The following ZNF875 variants were observed in gnomAD, a reference collection of about 807,000 sequenced individuals.
ZNF875 encodes the protein zinc finger protein 875, also known as HKR1, GLI-Kruppel zinc finger family member.
In ZNF875, 14 loss-of-function variants were observed where a neutral mutation model predicts 11.2. The ratio of observed to expected loss-of-function variants is 1.26; its 90% CI spans 0.83 to 1.96. The LOEUF is 1.96. ZNF875 is among the 30% of genes most tolerant of loss of function. ZNF875 has a pLI of 0.00. For missense variants in ZNF875, 752 were observed against 760.4 expected, an observed-to-expected ratio of 0.99 and a Z score of 0.13; for synonymous variants, 301 against 281.1, an observed-to-expected ratio of 1.07 and a Z score of -0.71.
intron 2 of ZNF875, among the ~76,000 whole-genome samples, chr19:37,342,409 A>AT (rs66638698): frequency 0.039 from 5,318 of 135,666 alleles, 256 homozygotes; most frequent in African/African-American, 0.099. Context: ...ATCCAACTGA[A>AT]TTTTTTTTTT....
chr19:37,346,304 G>A (rs1168761299), intron 2 of ZNF875: 1 of 152,176 alleles, frequency 6.6e-6, no homozygotes, highest in African/African-American at 2.4e-5. Flanking sequence ...AGAAACTGAC[G>A]TGCTGAGCAG....
intron 4 of ZNF875, among the ~76,000 whole-genome samples, chr19:37,354,063 T>C (rs1196177903): frequency 6.6e-6 from 1 of 152,148 alleles, no homozygotes. Context: ...CTCATAAGCT[T>C]CTGTTCATTT....
upstream of ZNF875, chr19:37,334,598 C>G (rs2033886415): frequency 9.2e-6 from 4 of 434,592 alleles, no homozygotes; most frequent in Admixed American, 1.0e-4. Context: ...CCTCTGCGGT[C>G]ACTTCCGCTC....
intron 4 of ZNF875, among the ~76,000 whole-genome samples, chr19:37,348,147 T>C (rs1428081392): frequency 6.6e-6 from 1 of 152,232 alleles, no homozygotes; most frequent in Non-Finnish European, 1.5e-5. Context: ...CTTTCTCACC[T>C]GATCTTAAAA....
At chr19:37,353,328 G>A (rs2038283857) in intron 4 of ZNF875, among the ~76,000 whole-genome samples, 1 of 152,198 alleles carries the variant, frequency 6.6e-6, no homozygotes, top group South Asian at 2.1e-4. Context: ...TCTCACAAGA[G>A]TATGTTTACA....
intron 4 of ZNF875, among the ~76,000 whole-genome samples, chr19:37,360,965 A>G (rs376113746): frequency 6.6e-6 from 1 of 151,816 alleles, no homozygotes; most frequent in African/African-American, 2.4e-5. Flanking sequence ...TATATGACCT[A>G]AGTACAATTA....
intron 2 of ZNF875, chr19:37,344,625 A>C: frequency 6.9e-7 from 1 of 1,458,768 alleles, no homozygotes; most frequent in Non-Finnish European, 9.6e-7. Context: ...AAGCAGATGA[A>C]TTAACTCCCC....
intron 4 of ZNF875, among the ~76,000 whole-genome samples, chr19:37,351,183 A>G (rs1275878090): frequency 6.6e-6 from 1 of 152,110 alleles, no homozygotes; most frequent in East Asian, 1.9e-4. Context: ...AAATTTGTGT[A>G]TTTTAATTAA....
intron 1 of ZNF875, 38 bp from the exon 2 acceptor site, chr19:37,335,131 T>C: frequency 4.4e-6 from 3 of 684,170 alleles, no homozygotes; most frequent in Non-Finnish European, 8.1e-6. Context: ...GGAGGGTGTT[T>C]CCACCTAGGC....
In ZNF875 at chr19:37,362,993, C is replaced by G; in HGVS notation, c.1141C>G (p.Leu381Val). 1.2e-6 allele frequency: 2 copies of G among 1,614,180 alleles called. No homozygotes were observed. The highest frequency in any genetic ancestry group is 1.1e-5 in the South Asian group (1 of 91,084). The stretch of plus-strand genomic sequence containing the variant: ...GCGTGGCTTTCGCCAGCATTCACAC[C>G]TGGTCAGACACAAGAGGACACATTC... ...CGRGFRQHSH[L>V]VRHKRTHSGE... The change falls in exon 5 of 5, where the codon CTG (leucine) becomes GTG (valine). Residue 381 changes from leucine (L) to valine (V), a missense_variant. Physicochemically the swap from Leu to Val is conservative, Grantham distance 32. Coordinates refer to ENST00000392153, the MANE Select transcript of ZNF875 (RefSeq NM_001353803.2).
intron 4 of ZNF875, among the ~76,000 whole-genome samples, chr19:37,359,242 A>G (rs2039492094): frequency 6.6e-6 from 1 of 152,148 alleles, no homozygotes; most frequent in African/African-American, 2.4e-5. Flanking sequence ...TTATAGAGTT[A>G]TATGATTGTC....
intron 2 of ZNF875, chr19:37,323,459 A>G (rs2031879252): frequency 6.6e-6 from 1 of 152,062 alleles, no homozygotes; most frequent in Non-Finnish European, 1.5e-5. Context: ...AGGGGCTGAT[A>G]TTTCTTAAGG....
At chr19:37,317,553 G>C (rs2145606644), upstream of ZNF875, among the ~76,000 whole-genome samples, 1 of 152,354 alleles carries the variant, frequency 6.6e-6, no homozygotes, top group East Asian at 1.9e-4. Flanking sequence ...CATTGGCCAG[G>C]TGGGACGGTC....
chr19:37,316,379 A>G (rs1470679256), upstream of ZNF875, among the ~76,000 whole-genome samples: 4 of 151,958 alleles, frequency 2.6e-5, no homozygotes, highest in Non-Finnish European at 4.4e-5. Context: ...TTGTTTATTT[A>G]TTTTTTTGAG....
chr19:37,313,244 A>ACAG (rs1040431865), upstream of ZNF875: 1 of 151,762 alleles, frequency 6.6e-6, no homozygotes, highest in African/African-American at 2.4e-5. Flanking sequence ...AACAACAACA[A>ACAG]CAAACACCAC....
At position 37,335,164 on chromosome 19, in the gene ZNF875, C is replaced by T; in HGVS notation, c.-56-5C>T. 2 of 700,772 alleles carry T rather than the reference C, an allele frequency of 2.9e-6. No homozygotes were observed. Among genetic ancestry groups the T allele is most frequent in the Non-Finnish European group, 5.2e-6 (2 of 383,500 alleles). 43.4% of individuals were successfully genotyped at this position (700,772 alleles called of 1,614,324 possible). A position where few individuals can be genotyped will look rare whatever the true frequency, so the allele number is the denominator to read the frequency against. ...GGCCACTCTTATTTCTCTTCACATC[C>T]CCAGATCTGTCTTCTGAGACTTTGC... On this transcript the variant is annotated splice_polypyrimidine_tract_variant and splice_region_variant and intron_variant, in intron 1 of 4. Transcript: ENST00000392153.
chr19:37,334,809 G>C (rs752296724), intron 1 of ZNF875, 27 bp downstream of exon 1: 41 of 457,552 alleles, frequency 9.0e-5, no homozygotes, highest in South Asian at 4.5e-4. Context: ...CAGTCAGCAT[G>C]CCCCTCTGCG....
At chr19:37,321,134 C>T (rs556173473) in intron 1 of ZNF875, among the ~76,000 whole-genome samples, 2 of 152,114 alleles carry the variant, frequency 1.3e-5, no homozygotes, top group Admixed American at 1.3e-4. Context: ...CAAGGTTTCT[C>T]CCCTTGTGAT....
intron 4 of ZNF875, among the ~76,000 whole-genome samples, chr19:37,359,051 C>G (rs59748804): frequency 0.02 from 3,081 of 152,094 alleles, 103 homozygotes; most frequent in African/African-American, 0.07. Flanking sequence ...CAGGCATGTA[C>G]CACCAGGCCT....
Sources: gnomAD v4.1 joint callset for allele counts (sites outside exome capture counted in the v4.1 genomes callset) on GRCh38, gnomAD v4.1.1 for gene constraint, MANE v1.5 for transcripts, NCBI Gene and HGNC (gene_info 2026-07-23, HGNC 2026-07-21) for gene names.